The following FBXW5 variants were observed in gnomAD, a reference collection of about 807,000 sequenced individuals.
FBXW5 encodes F-box and WD repeat domain containing 5, also known as F-box/WD repeat-containing protein 5.
A neutral mutation model predicts 50.9 loss-of-function variants in FBXW5; 74 were observed. The observed-to-expected ratio is 1.45, with a 90% confidence interval of 1.20 to 1.76. FBXW5 has a LOEUF of 1.76. Ranked by LOEUF, FBXW5 falls within the 40% of genes most tolerant of loss-of-function variation. The pLI is 0.00. For missense variants in FBXW5, 1,073 were observed against 818.8 expected, an observed-to-expected ratio of 1.31 and a Z score of -3.79; for synonymous variants, 523 against 362.2, an observed-to-expected ratio of 1.44 and a Z score of -5.04.
At position 136,940,749 on chromosome 9, in the gene FBXW5, C is replaced by T. The variant is rs930969597; in HGVS notation, c.*179G>A. The T allele has an allele frequency of 1.0e-4, 112 of 1,068,198 alleles. No homozygotes were observed. Among genetic ancestry groups the T allele is most frequent in the South Asian group, 1.8e-4 (11 of 60,748 alleles). The allele number at this position is 1,068,198 out of a possible 1,614,324, so 66.2% of individuals were successfully genotyped here. ...TGGGCTCCATCTGCACTGGCCACCC[C>T]GTGCCAAGCATCACAGCTGCGTGAG... On this transcript the variant is annotated 3_prime_UTR_variant, in exon 9 of 9. Coordinates refer to ENST00000325285, the MANE Select transcript of FBXW5 (RefSeq NM_018998.4).
intron 3 of FBXW5, 92 bp downstream of exon 3, chr9:136,943,257 C>CCCA (rs1850873275): frequency 2.4e-6 from 3 of 1,225,592 alleles, no homozygotes; most frequent in East Asian, 2.4e-5. Context: ...CACCCCCCCC[C>CCCA]CCACCACCAC....
chr9:136,940,704 C>G lies in FBXW5; in HGVS notation c.*224G>C, dbSNP rs551874741. ...CAGTATCCTGTGTACCCCAAGTTGC[C>G]CAGGAGGCCGAGGGGGCCTTGGGCT... On this transcript the variant is annotated 3_prime_UTR_variant, in exon 9 of 9. Coordinates refer to ENST00000325285, the MANE Select transcript of FBXW5 (RefSeq NM_018998.4). 1.8e-5 allele frequency: 12 copies of G among 665,598 alleles called. No individual in the cohort carries two copies. The East Asian group carries it at 3.5e-4, about 19-fold the overall frequency. 41.2% of individuals were successfully genotyped at this position (665,598 alleles called of 1,614,324 possible). A position where few individuals can be genotyped will look rare whatever the true frequency, so the allele number is the denominator to read the frequency against.
chr9:136,940,782 G>T lies in FBXW5; in HGVS notation c.*146C>A. ...GCATCACAGCTGCGTGAGCAGGTTTGTGTGTGAGCGTGTGGCGGGGCCTGG... is the reference window on the plus strand; with the variant it reads ...GCATCACAGCTGCGTGAGCAGGTTTTTGTGTGAGCGTGTGGCGGGGCCTGG... On this transcript the variant is annotated 3_prime_UTR_variant, in exon 9 of 9. Transcript: ENST00000325285. The T allele has an allele frequency of 2.4e-6, 3 of 1,256,934 alleles. No homozygotes were observed. Among genetic ancestry groups the T allele is most frequent in the Non-Finnish European group, 3.2e-6 (3 of 927,538 alleles). The allele number at this position is 1,256,934 out of a possible 1,614,324, so 77.9% of individuals were successfully genotyped here.
intron 3 of FBXW5, 30 bp downstream of exon 3, chr9:136,943,319 G>A (rs1850876521): frequency 2.5e-6 from 4 of 1,605,042 alleles, no homozygotes; most frequent in Non-Finnish European, 3.4e-6. Context: ...AGAGCTGGGT[G>A]GGGTGTGCAG....
At position 136,941,180 on chromosome 9, in the gene FBXW5, C is replaced by CAGCG. The variant is rs779572531; in HGVS notation, c.1458-13_1458-10dup. ...GCCGGTCCTCCGCCCCGCTGCAGAA[C>CAGCG]AGCGCCTGGGTGAGCCGGCCGCCCG... On this transcript the variant is annotated splice_polypyrimidine_tract_variant and intron_variant, in intron 8 of 8. Transcript: ENST00000325285. 1 of 1,601,700 alleles carries CAGCG rather than the reference C, an allele frequency of 6.2e-7. No individual in the cohort carries two copies. The highest frequency in any genetic ancestry group is 1.1e-5 in the South Asian group (1 of 90,254).
Position 136,940,799 on chromosome 9 carries a change from G to A in FBXW5, c.*129C>T, listed in dbSNP as rs1018002292. The A allele has an allele frequency of 1.3e-5, 17 of 1,353,078 alleles. No individual in the cohort carries two copies. Among genetic ancestry groups the A allele is most frequent in the African/African-American group, 2.9e-5 (2 of 68,592 alleles). 83.8% of individuals were successfully genotyped at this position (1,353,078 alleles called of 1,614,324 possible). A position where few individuals can be genotyped will look rare whatever the true frequency, so the allele number is the denominator to read the frequency against. ...GCAGGTTTGTGTGTGAGCGTGTGGC[G>A]GGGCCTGGTTGTCCCCTTCCTAAGG... On this transcript the variant is annotated 3_prime_UTR_variant, in exon 9 of 9. Transcript: ENST00000325285.
At position 136,942,118 on chromosome 9, in the gene FBXW5, T is replaced by C; in HGVS notation, c.1024A>G (p.Ser342Gly). The change falls in exon 6 of 9, where the codon AGT becomes GGT. Residue 342 changes from serine to glycine, a missense_variant. Physicochemically the swap from Ser to Gly is moderately conservative, Grantham distance 56. Transcript: ENST00000325285. ...TACTTGCTCTTGGCGCCTGTGGCAC[T>C]GCGCTCGGGTGGCTTGGTGTGGCCC... ...AQGHTKPPER[S>G]ATGAKSKYLI... 6.2e-7 allele frequency: 1 copy of C among 1,612,218 alleles called. No individual in the cohort carries two copies. Among genetic ancestry groups the C allele is most frequent in the African/African-American group, 1.3e-5 (1 of 75,038 alleles).
At position 136,943,898 on chromosome 9, in the gene FBXW5, T is replaced by C. The variant is rs535551549; in HGVS notation, c.186A>G (p.Arg62=). ...RYYQVARDVP[R]HPAAMSWYEE... ...GCCCCACACGCCACTGACCTGGGTG[T>C]CGGGGCACGTCGCGGGCCACCTGGT... The change falls in exon 2 of 9, where the codon CGA becomes CGG. Residue 62 remains arginine (R), a synonymous_variant. Transcript: ENST00000325285. 1 of 1,549,838 alleles carries C rather than the reference T, an allele frequency of 6.5e-7. No homozygotes were observed. Among genetic ancestry groups the C allele is most frequent in the Non-Finnish European group, 8.7e-7 (1 of 1,146,776 alleles).
In FBXW5 at chr9:136,941,770, G is replaced by A. The variant is rs1051727599; in HGVS notation, c.1097-86C>T. On this transcript the variant is annotated intron_variant, in intron 6 of 8. Transcript: ENST00000325285. ...AGCTTCCTACCTCAGTGGTGTCTCT[G>A]GGGCTGTGAGCACCACAGAGGTCCG... 45 of 1,427,010 alleles carry A rather than the reference G, an allele frequency of 3.2e-5. No homozygotes were observed. The East Asian group carries it at 9.7e-4, about 31-fold the overall frequency. 88.4% of individuals were successfully genotyped at this position (1,427,010 alleles called of 1,614,324 possible). A position where few individuals can be genotyped will look rare whatever the true frequency, so the allele number is the denominator to read the frequency against.
Position 136,941,838 on chromosome 9 carries a change from C to T in FBXW5, c.1097-154G>A, listed in dbSNP as rs1032422665. The T allele has an allele frequency of 1.2e-4, 168 of 1,436,644 alleles. No homozygotes were observed. In the East Asian group the frequency reaches 3.7e-3, roughly 32 times the overall value. 89.0% of individuals were successfully genotyped at this position (1,436,644 alleles called of 1,614,324 possible). ...GGGGGCCCCAGACCTGAATCAGGCC[C>T]GTCGGTTGCTTGCTGGCCAGCGGCC... On this transcript the variant is annotated intron_variant, in intron 6 of 8. Coordinates refer to ENST00000325285, the MANE Select transcript of FBXW5 (RefSeq NM_018998.4).
In FBXW5 at chr9:136,940,748, C is replaced by A. The variant is rs1230228948; in HGVS notation, c.*180G>T. On this transcript the variant is annotated 3_prime_UTR_variant, in exon 9 of 9. Coordinates refer to ENST00000325285, the MANE Select transcript of FBXW5 (RefSeq NM_018998.4). ...TTGGGCTCCATCTGCACTGGCCACC[C>A]CGTGCCAAGCATCACAGCTGCGTGA... 17 of 1,061,200 alleles carry A rather than the reference C, an allele frequency of 1.6e-5. No homozygotes were observed. The highest frequency in any genetic ancestry group is 2.0e-5 in the Non-Finnish European group (15 of 757,102). 65.7% of individuals were successfully genotyped at this position (1,061,200 alleles called of 1,614,324 possible). A position where few individuals can be genotyped will look rare whatever the true frequency, so the allele number is the denominator to read the frequency against.
Position 136,944,700 on chromosome 9 carries a change from A to C in FBXW5, c.-130T>G. On this transcript the variant is annotated 5_prime_UTR_variant, in exon 1 of 9. Coordinates refer to ENST00000325285, the MANE Select transcript of FBXW5 (RefSeq NM_018998.4). ...GCCCCCGCCCAACGGGGAGCCCGCCAGGCCCGACGCCACGAGCCCCGAGGC... is the reference window on the plus strand; with the variant it reads ...GCCCCCGCCCAACGGGGAGCCCGCCCGGCCCGACGCCACGAGCCCCGAGGC... The C allele has an allele frequency of 5.1e-6, 5 of 985,686 alleles. No individual in the cohort carries two copies. The highest frequency in any genetic ancestry group is 6.0e-6 in the Non-Finnish European group (5 of 829,824). 61.1% of individuals were successfully genotyped at this position (985,686 alleles called of 1,614,324 possible). A position where few individuals can be genotyped will look rare whatever the true frequency, so the allele number is the denominator to read the frequency against.
In FBXW5 at chr9:136,942,325, C is replaced by T. The variant is rs1290136677; in HGVS notation, c.817G>A (p.Ala273Thr). Residue 273 changes from alanine to threonine, a missense_variant, in exon 6 of 9, where the codon GCC becomes ACC. Coordinates refer to ENST00000325285, the MANE Select transcript of FBXW5 (RefSeq NM_018998.4). ...PDLLLEAGDP[A>T]TSPCRIFDLG... Reference sequence around the variant, plus strand: ...TCAAAGATGCGGCAGGGGGACGTGGCCGGGTCACCGGCTTCCAGCAGCAGG... The same window carrying T: ...TCAAAGATGCGGCAGGGGGACGTGGTCGGGTCACCGGCTTCCAGCAGCAGG... 1.3e-6 allele frequency: 2 copies of T among 1,599,322 alleles called. No homozygotes were observed. The highest frequency in any genetic ancestry group is 2.3e-5 in the East Asian group (1 of 44,158).
rs201833546 is a variant in FBXW5, at chr9:136,944,073, C to T, written c.11G>A (p.Gly4Asp). Residue 4 changes from glycine to aspartate, a missense_variant, in exon 2 of 9, where the codon GGC (glycine) becomes GAC (aspartate). Coordinates refer to ENST00000325285, the MANE Select transcript of FBXW5 (RefSeq NM_018998.4). ...GCTGTCGGGGAGCAGGGGCGTGCCG[C>T]CCTCGTCCATCGTGACATTCTGCCC... Reference protein sequence around the residue: MDEGGTPLLPDSLV... With the variant: MDEDGTPLLPDSLV... The T allele has an allele frequency of 2.5e-6, 4 of 1,595,548 alleles. No individual in the cohort carries two copies. Among genetic ancestry groups the T allele is most frequent in the Admixed American group, 1.7e-5 (1 of 58,100 alleles).
intron 3 of FBXW5, 75 bp downstream of exon 3, chr9:136,943,274 G>T: frequency 9.5e-6 from 13 of 1,373,506 alleles, no homozygotes; most frequent in African/African-American, 1.4e-5. Flanking sequence ...CCACCTGGTT[G>T]GAACGCCTGG....
chr9:136,943,411 G>GC lies in FBXW5; in HGVS notation c.288dup (p.His97AlafsTer94), dbSNP rs768848289. 6.2e-7 allele frequency: 1 copy of GC among 1,612,930 alleles called. No individual in the cohort carries two copies. Among genetic ancestry groups the GC allele is most frequent in the Non-Finnish European group, 8.5e-7 (1 of 1,179,976 alleles). The stretch of plus-strand genomic sequence containing the variant: ...TACCCGGAATGGGAGAAGCTGAGGT[G>GC]CAGGACCTGGTCTGTGTGTTCCCGC... On this transcript the variant is annotated frameshift_variant, in exon 3 of 9. Coordinates refer to ENST00000325285, the MANE Select transcript of FBXW5 (RefSeq NM_018998.4). LOFTEE classifies it high-confidence loss of function.
intron 1 of FBXW5, 24 bp from the exon 2 acceptor site, chr9:136,944,130 T>G: frequency 6.5e-7 from 1 of 1,527,712 alleles, no homozygotes; most frequent in Non-Finnish European, 8.8e-7. Context: ...ACGGCTGCCC[T>G]CAGCCCAGGC....
chr9:136,943,099 T>C (rs576199707), intron 3 of FBXW5, 156 bp from the exon 4 acceptor site: 10 of 1,255,772 alleles, frequency 8.0e-6, no homozygotes, highest in African/African-American at 2.9e-5. Flanking sequence ...TCGGGGGGCA[T>C]TGGTATAGAG....
At chr9:136,941,853 G>C (rs1347754744) in intron 6 of FBXW5, 169 bp from the exon 7 acceptor site, 3 of 1,436,400 alleles carry the variant, frequency 2.1e-6, no homozygotes, top group Non-Finnish European at 9.1e-7. Flanking sequence ...GTTGCTTGCT[G>C]GCCAGCGGCC....
Sources: gnomAD v4.1 joint callset for allele counts on GRCh38, gnomAD v4.1.1 for gene constraint, MANE v1.5 for transcripts, NCBI Gene and HGNC (gene_info 2026-07-23, HGNC 2026-07-21) for gene names.